PTGR1: variants seen among roughly 807,000 people sequenced by gnomAD.
PTGR1 encodes the protein 15-oxoprostaglandin 13-reductase.
In PTGR1, 23 loss-of-function variants were observed where a neutral mutation model predicts 37.7. The ratio of observed to expected loss-of-function variants is 0.61; its 90% CI spans 0.44 to 0.86. PTGR1 has a LOEUF of 0.86. PTGR1 is among the 40% of genes least tolerant of loss of function. The pLI is 0.00. For missense variants in PTGR1, 351 were observed against 394.3 expected (o/e 0.89, Z 0.93); for synonymous variants, 134 against 140.0 (o/e 0.96, Z 0.30).
rs1218547803 is a variant in PTGR1, at chr9:111,587,692, C to T, written c.210-1527G>A. Among the ~76,000 whole-genome samples, 7 of 152,246 alleles carry T rather than the reference C, an allele frequency of 4.6e-5. No individual in the cohort carries two copies. In the East Asian group the frequency reaches 7.7e-4, roughly 17 times the overall value. On this transcript the variant is annotated intron_variant, in intron 4 of 9. Coordinates refer to ENST00000407693, the MANE Select transcript of PTGR1 (RefSeq NM_001146108.2). ...GTCTTGATCTCTTGACCTCGTGATC[C>T]GTCTGCCTCAGCCTCCCAAAGTGCT...
At chr9:111,570,271 C>T (rs1189277359) in intron 8 of PTGR1, 62 bp from the exon 9 acceptor site, 2 of 1,544,512 alleles carry the variant, frequency 1.3e-6, no homozygotes, top group Non-Finnish European at 8.7e-7. Flanking sequence ...GTGAAACAAG[C>T]AGTACAGGTC....
downstream of PTGR1, among the ~76,000 whole-genome samples, chr9:111,559,556 A>AC (rs1448883031): frequency 6.6e-6 from 1 of 150,924 alleles, no homozygotes; most frequent in Non-Finnish European, 1.5e-5. Context: ...ACACTGCCCA[A>AC]CCCCTCCTTC....
intron 8 of PTGR1, among the ~76,000 whole-genome samples, chr9:111,571,724 G>A (rs377405195): frequency 1.3e-5 from 2 of 151,956 alleles, no homozygotes; most frequent in Admixed American, 1.3e-4. Flanking sequence ...GCTCTGGTTT[G>A]AAACTCCTGG....
At position 111,563,030 on chromosome 9, in the gene PTGR1, G is replaced by C; in HGVS notation, c.*91C>G. ...ACTCATTATGAGTACTATTTCTTAAGACATTTAAGGTAGTATACATTTTTG... is the reference window on the plus strand; with the variant it reads ...ACTCATTATGAGTACTATTTCTTAACACATTTAAGGTAGTATACATTTTTG... On this transcript the variant is annotated 3_prime_UTR_variant, in exon 10 of 10. Transcript: ENST00000407693. The C allele has an allele frequency of 6.7e-7, 1 of 1,501,580 alleles. No individual in the cohort carries two copies. The allele number at this position is 1,501,580 out of a possible 1,614,324, so 93.0% of individuals were successfully genotyped here. A position where few individuals can be genotyped will look rare whatever the true frequency, so the allele number is the denominator to read the frequency against.
intron 7 of PTGR1, chr9:111,576,557 G>C: frequency 9.9e-7 from 1 of 1,011,994 alleles, no homozygotes; most frequent in Middle Eastern, 2.3e-4. Flanking sequence ...AGCTAGTGGA[G>C]TGGCCATAGG....
Position 111,592,974 on chromosome 9 carries a change from G to A in PTGR1, c.161C>T (p.Ala54Val). The A allele has an allele frequency of 9.0e-7, 1 of 1,108,578 alleles. No homozygotes were observed. The highest frequency in any genetic ancestry group is 1.2e-6 in the Non-Finnish European group (1 of 816,896). The allele number at this position is 1,108,578 out of a possible 1,614,324, so 68.7% of individuals were successfully genotyped here. ...LTVDPYMRVAAKRLKEGDTMM... is the reference protein window; with the variant it reads ...LTVDPYMRVAVKRLKEGDTMM... ...TGTATCACCTTCCTTCAATCTTTTG[G>A]CTGCCACTCTGCAAAAAAAAAAAAA... The change falls in exon 4 of 10, where the codon GCC (alanine) becomes GTC (valine). Residue 54 changes from alanine to valine, a missense_variant. Coordinates refer to ENST00000407693, the MANE Select transcript of PTGR1 (RefSeq NM_001146108.2).
At position 111,578,888 on chromosome 9, in the gene PTGR1, A is replaced by G. The variant is rs1480228002; in HGVS notation, c.559T>C (p.Phe187Leu). The change falls in exon 7 of 10, where the codon TTT becomes CTT. Residue 187 changes from phenylalanine to leucine, a missense_variant. By Grantham distance (22) the Phe-to-Leu change is conservative. Coordinates refer to ENST00000407693, the MANE Select transcript of PTGR1 (RefSeq NM_001146108.2). The part of the protein sequence containing the change: ...EKVAYLQKLG[F>L]DVVFNYKTVE... Reference sequence around the variant, plus strand: ...GTCTTGTAGTTAAAGACGACATCAAATCCAAGCTTTTGAAGGTAGGCAACC... The same window carrying G: ...GTCTTGTAGTTAAAGACGACATCAAGTCCAAGCTTTTGAAGGTAGGCAACC... 6.2e-7 allele frequency: 1 copy of G among 1,613,304 alleles called. No homozygotes were observed. Among genetic ancestry groups the G allele is most frequent in the East Asian group, 2.2e-5 (1 of 44,864 alleles).
intron 6 of PTGR1, among the ~76,000 whole-genome samples, chr9:111,580,971 A>G (rs1345847856): frequency 6.6e-6 from 1 of 152,214 alleles, no homozygotes; most frequent in Non-Finnish European, 1.5e-5. Context: ...TTAGCATGGC[A>G]GTCTCCAGTG....
intron 6 of PTGR1, among the ~76,000 whole-genome samples, chr9:111,581,270 A>G (rs1829271722): frequency 6.6e-6 from 1 of 152,250 alleles, no homozygotes; most frequent in South Asian, 2.1e-4. Flanking sequence ...GCATACAAGA[A>G]TAGTCCTAAG....
downstream of PTGR1, among the ~76,000 whole-genome samples, chr9:111,561,223 T>A (rs1269855800): frequency 6.6e-6 from 1 of 150,438 alleles, no homozygotes; most frequent in Non-Finnish European, 1.5e-5. Flanking sequence ...TACCTTTCCA[T>A]ATGTTCAAGT....
chr9:111,580,060 G>A (rs1405161192), intron 6 of PTGR1, among the ~76,000 whole-genome samples: 1 of 152,142 alleles, frequency 6.6e-6, no homozygotes, highest in Admixed American at 6.5e-5. Context: ...TTGCAAGAGA[G>A]CCCTCCTTGG....
downstream of PTGR1, among the ~76,000 whole-genome samples, chr9:111,559,077 C>T (rs897699080): frequency 5.9e-5 from 9 of 152,132 alleles, no homozygotes; most frequent in African/African-American, 2.2e-4. Flanking sequence ...TCATGCTGGG[C>T]CATGCTGCCA....
At chr9:111,593,167 A>C (rs768436519) in intron 3 of PTGR1, among the ~76,000 whole-genome samples, 185 bp from the exon 4 acceptor site, 2 of 152,146 alleles carry the variant, frequency 1.3e-5, no homozygotes, top group Non-Finnish European at 2.9e-5. Flanking sequence ...ATACAGGAGG[A>C]AAGCTGTTAG....
intron 2 of PTGR1, among the ~76,000 whole-genome samples, chr9:111,594,590 A>C: frequency 8.1e-6 from 1 of 122,774 alleles, no homozygotes; most frequent in East Asian, 2.3e-4. Context: ...TCGCTCTGTC[A>C]CCCAGGCTGG....
Position 111,589,810 on chromosome 9 carries a change from T to C in PTGR1, c.209+3116A>G, listed in dbSNP as rs145913104. On this transcript the variant is annotated intron_variant, in intron 4 of 9. Transcript: ENST00000407693. ...CCACTGTGCCCAGCTAATTTTTGTA[T>C]TTTTAGTAGAGATGAGGTTTCGCCA... Among the ~76,000 whole-genome samples the C allele has an allele frequency of 3.4e-3, 523 of 152,042 alleles. 6 individuals carry two copies. The highest frequency in any genetic ancestry group is 0.012 in the African/African-American group (506 of 41,466).
chr9:111,552,931 G>A (rs1251980918), intron 9 of PTGR1, among the ~76,000 whole-genome samples: 1 of 151,992 alleles, frequency 6.6e-6, no homozygotes, highest in Non-Finnish European at 1.5e-5. Context: ...TTCTAAATAC[G>A]ATAAAGTGAT....
chr9:111,586,811 A>G (rs532445243), intron 4 of PTGR1, among the ~76,000 whole-genome samples: 35 of 147,622 alleles, frequency 2.4e-4, no homozygotes, highest in African/African-American at 8.4e-4. Flanking sequence ...CTCTATATAT[A>G]TATATATATG....
intron 8 of PTGR1, among the ~76,000 whole-genome samples, chr9:111,571,476 G>T (rs1285322561): frequency 1.3e-5 from 2 of 149,354 alleles, no homozygotes; most frequent in Non-Finnish European, 3.0e-5. Context: ...TGTGTGTTTT[G>T]TGGTTGTCGT....
chr9:111,573,232 C>A (rs1375673063), intron 8 of PTGR1, among the ~76,000 whole-genome samples: 1 of 152,162 alleles, frequency 6.6e-6, no homozygotes, highest in Non-Finnish European at 1.5e-5. Context: ...AGTTGGCAGG[C>A]AGACAATTTC....
Sources: allele counts gnomAD v4.1 joint callset (sites outside exome capture counted in the v4.1 genomes callset), GRCh38; gene constraint gnomAD v4.1.1; transcripts MANE v1.5; gene names NCBI Gene and HGNC (gene_info 2026-07-23, HGNC 2026-07-21).